The following SULT6B1 variants were observed in gnomAD, a reference collection of about 807,000 sequenced individuals.
SULT6B1 encodes sulfotransferase 6B1.
In SULT6B1, 44 loss-of-function variants were observed where a neutral mutation model predicts 37.2. The ratio of observed to expected loss-of-function variants is 1.18; its 90% CI spans 0.93 to 1.52. The LOEUF is 1.52. Ranked by LOEUF, SULT6B1 falls within the 40% of genes most tolerant of loss-of-function variation. The pLI, the probability that SULT6B1 is intolerant of heterozygous loss-of-function variation, is 0.00. For synonymous variants in SULT6B1, 140 were observed against 126.0 expected, an observed-to-expected ratio of 1.11 and a Z score of -0.74; for missense variants, 450 against 361.0, an observed-to-expected ratio of 1.25 and a Z score of -2.00.
intron 2 of SULT6B1, 74 bp from the exon 3 acceptor site, chr2:37,183,588 G>C: frequency 8.9e-7 from 1 of 1,127,926 alleles, no homozygotes; most frequent in Non-Finnish European, 1.3e-6. Flanking sequence ...TCACTCCTAG[G>C]TTTGGTATCT....
upstream of SULT6B1, among the ~76,000 whole-genome samples, chr2:37,192,666 G>C (rs915765830): frequency 6.6e-6 from 1 of 152,182 alleles, no homozygotes; most frequent in African/African-American, 2.4e-5. Flanking sequence ...ATTACAAAAA[G>C]TCTTTGTTTC....
intron 4 of SULT6B1, among the ~76,000 whole-genome samples, chr2:37,178,238 T>A (rs958665324): frequency 6.6e-6 from 1 of 152,142 alleles, no homozygotes; most frequent in Admixed American, 6.5e-5. Context: ...CTTTATTTTT[T>A]ATTTTATTTT....
chr2:37,185,717 C>CAAAAAAAAAAAAAAAAA (rs200087048), intron 2 of SULT6B1, among the ~76,000 whole-genome samples: 1 of 83,392 alleles, frequency 1.2e-5, no homozygotes. Context: ...GACTCCATTT[C>CAAAAAAAAAAAAAAAAA]AAAAAAAAAA....
chr2:37,176,203 G>A (rs984147008), intron 4 of SULT6B1, among the ~76,000 whole-genome samples: 3 of 148,688 alleles, frequency 2.0e-5, no homozygotes, highest in Admixed American at 6.8e-5. Context: ...AGGTTTAAAT[G>A]AATTAACACA....
intron 3 of SULT6B1, 73 bp from the exon 4 acceptor site, chr2:37,179,657 TATC>T: frequency 7.5e-7 from 1 of 1,328,904 alleles, no homozygotes; most frequent in South Asian, 1.3e-5. Flanking sequence ...GGGTGAGCAA[TATC>T]ATCATGTCCA....
At chr2:37,183,988 T>A (rs1279046262) in intron 2 of SULT6B1, among the ~76,000 whole-genome samples, 1 of 152,234 alleles carries the variant, frequency 6.6e-6, no homozygotes, top group Non-Finnish European at 1.5e-5. Flanking sequence ...AGATGAGGAA[T>A]GAAGAATCAT....
At position 37,188,501 on chromosome 2, in the gene SULT6B1, G is replaced by C. The variant is rs769354804; in HGVS notation, c.140C>G (p.Ala47Gly). The C allele has an allele frequency of 9.9e-6, 16 of 1,614,074 alleles. No homozygotes were observed. Among genetic ancestry groups the C allele is most frequent in the East Asian group, 2.2e-5 (1 of 44,900 alleles). Residue 47 changes from alanine (A) to glycine (G), a missense_variant, in exon 1 of 7, where the codon GCG becomes GGG. Physicochemically the swap from Ala to Gly is moderately conservative, Grantham distance 60. Transcript: ENST00000535679. Reference protein sequence around the residue: ...ITMCTSETFQALDTFEARHDD... With the variant: ...ITMCTSETFQGLDTFEARHDD... ...ATGTCTGGCTTCGAAGGTGTCCAGC[G>C]CTTGGAAAGTTTCTGAGGTGCACAT...
chr2:37,182,116 T>C (rs1676564739), intron 3 of SULT6B1, among the ~76,000 whole-genome samples: 1 of 152,146 alleles, frequency 6.6e-6, no homozygotes, highest in Non-Finnish European at 1.5e-5. Flanking sequence ...TTTCCTACTC[T>C]TCCTTTCTTA....
chr2:37,168,721 C>A (rs1332737899), intron 6 of SULT6B1, among the ~76,000 whole-genome samples: 1 of 152,096 alleles, frequency 6.6e-6, no homozygotes, highest in African/African-American at 2.4e-5. Flanking sequence ...AGCAAGTTTT[C>A]GTTAAGACCT....
chr2:37,195,356 G>C (rs533461963), intron 1 of SULT6B1, among the ~76,000 whole-genome samples: 3 of 152,136 alleles, frequency 2.0e-5, no homozygotes, highest in Non-Finnish European at 4.4e-5. Context: ...GAAAGTTTTT[G>C]TTCTCCCTAA....
intron 5 of SULT6B1, among the ~76,000 whole-genome samples, chr2:37,174,818 C>A (rs1482407870): frequency 4.6e-5 from 7 of 152,040 alleles, no homozygotes; most frequent in East Asian, 1.9e-4. Context: ...AGTTCACAAC[C>A]AAGTGTATGT....
chr2:37,170,421 C>T (rs149821770), intron 6 of SULT6B1, among the ~76,000 whole-genome samples: 9 of 151,810 alleles, frequency 5.9e-5, no homozygotes, highest in South Asian at 2.1e-4. Context: ...GAGCCGAGAT[C>T]GCACTACCAC....
rs186230185 is a variant in SULT6B1 at position 37,188,328 on chromosome 2, A to C, written c.199+114T>G. The C allele has an allele frequency of 4.0e-5, 33 of 823,532 alleles. No individual in the cohort carries two copies. In the East Asian group the frequency reaches 8.2e-4, roughly 21 times the overall value. The allele number at this position is 823,532 out of a possible 1,614,324, so 51.0% of individuals were successfully genotyped here. On this transcript the variant is annotated intron_variant, in intron 1 of 6. Coordinates refer to ENST00000535679, the MANE Select transcript of SULT6B1 (RefSeq NM_001367551.1). ...ACCACTGTGGCCCTCCTCCTCACTG[A>C]TGCTCAGACAGATTCCTGCAATGAG... is the stretch of plus-strand genomic sequence containing the variant.
chr2:37,195,002 T>G (rs1558455937), intron 1 of SULT6B1, among the ~76,000 whole-genome samples: 1 of 151,124 alleles, frequency 6.6e-6, no homozygotes, highest in Non-Finnish European at 1.5e-5. Context: ...CAGGCTGGAG[T>G]GCAGTGGCAC....
intron 6 of SULT6B1, among the ~76,000 whole-genome samples, chr2:37,170,041 T>A (rs895233735): frequency 6.6e-6 from 1 of 152,332 alleles, no homozygotes; most frequent in Middle Eastern, 3.4e-3. Flanking sequence ...GAGAGCTAGT[T>A]GCCTTTCCCA....
chr2:37,175,600 C>T (rs1676407902), intron 4 of SULT6B1, among the ~76,000 whole-genome samples: 1 of 152,102 alleles, frequency 6.6e-6, no homozygotes, highest in Non-Finnish European at 1.5e-5. Flanking sequence ...TTTTCTAGAC[C>T]ATCGTTGTTC....
upstream of SULT6B1, among the ~76,000 whole-genome samples, chr2:37,191,002 A>G (rs1321057856): frequency 6.6e-6 from 1 of 152,082 alleles, no homozygotes; most frequent in Non-Finnish European, 1.5e-5. Context: ...TAGAGAGGGA[A>G]GGAATGAAGG....
chr2:37,179,012 G>T (rs1380088897), intron 4 of SULT6B1, among the ~76,000 whole-genome samples: 1 of 152,164 alleles, frequency 6.6e-6, no homozygotes, highest in Non-Finnish European at 1.5e-5. Context: ...AAGCTGGAGT[G>T]CAGTGGCGCC....
At chr2:37,190,719 G>T (rs1050963318), upstream of SULT6B1, among the ~76,000 whole-genome samples, 1 of 152,140 alleles carries the variant, frequency 6.6e-6, no homozygotes, top group African/African-American at 2.4e-5. Flanking sequence ...CGTTTTTAAG[G>T]GGGAAATGTA....
Sources: allele counts gnomAD v4.1 joint callset (sites outside exome capture counted in the v4.1 genomes callset), GRCh38; gene constraint gnomAD v4.1.1; transcripts MANE v1.5; gene names NCBI Gene and HGNC (gene_info 2026-07-23, HGNC 2026-07-21).